NANS: variants seen among roughly 807,000 people sequenced by gnomAD.
The protein encoded by NANS is N-acetylneuraminate-9-phosphate synthase.
NANS carries 29 observed loss-of-function variants against 33.3 expected under a neutral mutation model. The observed-to-expected ratio is 0.87, with a 90% CI of 0.65 to 1.19. NANS has a LOEUF of 1.19. Among genes scored for constraint, NANS ranks in the 50% most tolerant of loss-of-function variants. The pLI, the probability that NANS is intolerant of heterozygous loss-of-function variation, is 0.00. For missense variants in NANS, 394 were observed against 461.1 expected (o/e 0.85, Z 1.33); for synonymous variants, 163 against 177.2 (o/e 0.92, Z 0.64).
chr9:98,076,855 C>A, intron 2 of NANS, 63 bp from the exon 3 acceptor site: 2 of 1,337,794 alleles, frequency 1.5e-6, no homozygotes, highest in Non-Finnish European at 2.1e-6. Context: ...TTATTCCTTG[C>A]CTGTCATAAC....
In NANS at chr9:98,081,017, G is replaced by A; in HGVS notation, c.805G>A (p.Val269Met). ...LAELVRSVRL[V>M]ERALGSPTKQ... ...CGAGCTGGTGCGGTCAGTGCGTCTT[G>A]TGGAGCGTGCCCTGGGCTCCCCAAC... The change falls in exon 5 of 6, where the codon GTG (valine) becomes ATG (methionine). Residue 269 changes from valine (V) to methionine (M), a missense_variant. Coordinates refer to ENST00000210444, the MANE Select transcript of NANS (RefSeq NM_018946.4). The A allele has an allele frequency of 1.9e-6, 3 of 1,614,218 alleles. No homozygotes were observed. Among genetic ancestry groups the A allele is most frequent in the Non-Finnish European group, 2.5e-6 (3 of 1,180,034 alleles).
At position 98,056,833 on chromosome 9, in the gene NANS, C is replaced by T. The variant is rs760344751; in HGVS notation, c.25C>T (p.Pro9Ser). The T allele has an allele frequency of 1.2e-6, 2 of 1,612,130 alleles. No individual in the cohort carries two copies. Among genetic ancestry groups the T allele is most frequent in the South Asian group, 2.2e-5 (2 of 90,984 alleles). The change falls in exon 1 of 6, where the codon CCC becomes TCC. Residue 9 changes from proline (P) to serine (S), a missense_variant. Coordinates refer to ENST00000210444, the MANE Select transcript of NANS (RefSeq NM_018946.4). ...AATGCCGCTGGAGCTGGAGCTGTGT[C>T]CCGGGCGCTGGGTGGGCGGGCAACA... The part of the protein sequence containing the change: MPLELELC[P>S]GRWVGGQHPC...
At chr9:98,073,850 G>A (rs984670481) in intron 2 of NANS, among the ~76,000 whole-genome samples, 7 of 151,986 alleles carry the variant, frequency 4.6e-5, no homozygotes, top group African/African-American at 1.7e-4. Flanking sequence ...GCAGTGACAC[G>A]ACCTCAGCTC....
chr9:98,082,676 G>T (rs943512692), intron 5 of NANS, among the ~76,000 whole-genome samples, 170 bp from the exon 6 acceptor site: 2 of 152,174 alleles, frequency 1.3e-5, no homozygotes, highest in African/African-American at 4.8e-5. Flanking sequence ...ATCTATACTG[G>T]TTGAATTCCT....
Position 98,056,771 on chromosome 9 carries a change from CAG to C in NANS, c.-36_-35del. On this transcript the variant is annotated 5_prime_UTR_variant, in exon 1 of 6. Coordinates refer to ENST00000210444, the MANE Select transcript of NANS (RefSeq NM_018946.4). The stretch of plus-strand genomic sequence containing the variant: ...AGGCGGCGGCGGCGGCGGCCGGACC[CAG>C]ACTGGTAGTGAGGCTTTGGACCCCG... The C allele has an allele frequency of 1.9e-6, 3 of 1,604,148 alleles. No individual in the cohort carries two copies. The highest frequency in any genetic ancestry group is 2.5e-6 in the Non-Finnish European group (3 of 1,177,268).
In NANS at chr9:98,081,098, C is replaced by G. The variant is rs757900217; in HGVS notation, c.870+16C>G. The G allele has an allele frequency of 3.1e-6, 5 of 1,613,874 alleles. No individual in the cohort carries two copies. Among genetic ancestry groups the G allele is most frequent in the Non-Finnish European group, 2.5e-6 (3 of 1,179,860 alleles). On this transcript the variant is annotated intron_variant, in intron 5 of 5. Coordinates refer to ENST00000210444, the MANE Select transcript of NANS (RefSeq NM_018946.4). ...CAATGAGAAGGTGTGTCCTGCCGGA[C>G]TCTACTCGGTTCTGCTGCCGTGTGT...
chr9:98,067,871 G>A (rs781464948), intron 2 of NANS, among the ~76,000 whole-genome samples: 2 of 151,874 alleles, frequency 1.3e-5, no homozygotes, highest in African/African-American at 2.4e-5. Flanking sequence ...ATAGGCATGC[G>A]CCATCAGACT....
chr9:98,072,391 CA>C (rs1829377884), intron 2 of NANS, among the ~76,000 whole-genome samples: 1 of 151,522 alleles, frequency 6.6e-6, no homozygotes, highest in African/African-American at 2.4e-5. Flanking sequence ...TGACCTAGGG[CA>C]CAGGCAGTGA....
chr9:98,076,380 CTT>C (rs200078832), intron 2 of NANS: 10 of 146,226 alleles, frequency 6.8e-5, no homozygotes, highest in South Asian at 2.2e-4. Flanking sequence ...TTTCCAGATT[CTT>C]TTTTTTTTTT....
At chr9:98,063,860 A>G (rs959927091) in intron 2 of NANS, among the ~76,000 whole-genome samples, 1 of 150,378 alleles carries the variant, frequency 6.6e-6, no homozygotes, top group African/African-American at 2.4e-5. Flanking sequence ...TTGTGCTAAT[A>G]AGTAGTGCTG....
chr9:98,074,981 T>C (rs1259684352), intron 2 of NANS: 3 of 152,144 alleles, frequency 2.0e-5, no homozygotes, highest in Non-Finnish European at 2.9e-5. Context: ...AGCAGTGTTA[T>C]GAGACACAAA....
intron 2 of NANS, among the ~76,000 whole-genome samples, chr9:98,074,382 A>ACGGT (rs1239877823): frequency 6.6e-6 from 1 of 152,172 alleles, no homozygotes; most frequent in Non-Finnish European, 1.5e-5. Flanking sequence ...ACCCGATAGC[A>ACGGT]CGGTCGGCAG....
At chr9:98,066,293 G>A (rs1829145626) in intron 2 of NANS, among the ~76,000 whole-genome samples, 1 of 152,158 alleles carries the variant, frequency 6.6e-6, no homozygotes. Context: ...GGTCCACAAA[G>A]GCAAAGCTAT....
intron 5 of NANS, 129 bp from the exon 6 acceptor site, chr9:98,082,717 G>A: frequency 2.7e-6 from 2 of 741,766 alleles, no homozygotes; most frequent in Non-Finnish European, 4.5e-6. Flanking sequence ...AGCAGTGTAG[G>A]GGGCAACAGA....
In NANS at chr9:98,077,021, A is replaced by T. The variant is rs2117945492; in HGVS notation, c.448+4A>T. Reference sequence around the variant, plus strand: ...CTGGAAAAGACAGCCAAAAAAGGTAAGTGTCTAATTTTTGACTTAAAATCG... The same window carrying T: ...CTGGAAAAGACAGCCAAAAAAGGTATGTGTCTAATTTTTGACTTAAAATCG... On this transcript the variant is annotated splice_donor_region_variant and intron_variant, in intron 3 of 5. Coordinates refer to ENST00000210444, the MANE Select transcript of NANS (RefSeq NM_018946.4). 1.3e-6 allele frequency: 2 copies of T among 1,599,578 alleles called. No homozygotes were observed. The highest frequency in any genetic ancestry group is 2.2e-5 in the East Asian group (1 of 44,688).
At chr9:98,059,387 TA>T (rs1828912608) in intron 1 of NANS, among the ~76,000 whole-genome samples, 1 of 151,952 alleles carries the variant, frequency 6.6e-6, no homozygotes, top group South Asian at 2.1e-4. Flanking sequence ...GATGGGACTT[TA>T]GTGGGTTTTA....
At position 98,073,436 on chromosome 9, in the gene NANS, C is replaced by G. The variant is rs374998611; in HGVS notation, c.349-3482C>G. 7.2e-5 allele frequency among the ~76,000 whole-genome samples: 11 copies of G among 151,766 alleles called. No homozygotes were observed. The South Asian group carries it at 1.9e-3, about 26-fold the overall frequency. On this transcript the variant is annotated intron_variant, in intron 2 of 5. Coordinates refer to ENST00000210444, the MANE Select transcript of NANS (RefSeq NM_018946.4). ...AGTAGCTGGGATTACAGACACACAC[C>G]AACACGCCGGGCTAATTTTTGTATT...
chr9:98,078,986 T>G (rs1178877896), intron 4 of NANS, among the ~76,000 whole-genome samples: 1 of 152,168 alleles, frequency 6.6e-6, no homozygotes, highest in African/African-American at 2.4e-5. Context: ...TCTTGAAACT[T>G]CCTGGCTTTT....
chr9:98,077,849 C>T (rs1287449252), intron 3 of NANS, among the ~76,000 whole-genome samples: 1 of 152,228 alleles, frequency 6.6e-6, no homozygotes, highest in Admixed American at 6.5e-5. Flanking sequence ...CATTCATTCA[C>T]ACTCTTGAAT....
Sources: allele counts gnomAD v4.1 joint callset (sites outside exome capture counted in the v4.1 genomes callset), GRCh38; gene constraint gnomAD v4.1.1; transcripts MANE v1.5; gene names NCBI Gene and HGNC (gene_info 2026-07-23, HGNC 2026-07-21).